Variants in LAX1 observed in about 807,000 individuals in gnomAD.
LAX1 encodes the protein lymphocyte transmembrane adaptor 1, also known as lymphocyte transmembrane adapter 1.
LAX1 carries 17 observed loss-of-function variants against 20.7 expected under a neutral mutation model. The ratio of observed to expected loss-of-function variants is 0.82; its 90% CI spans 0.56 to 1.23. The LOEUF (loss-of-function observed/expected upper bound fraction) is 1.23, where lower values mean the gene tolerates loss of function less well. LAX1 is among the 50% of genes most tolerant of loss of function. The pLI is 0.00. For synonymous variants in LAX1, 165 were observed against 181.0 expected, an observed-to-expected ratio of 0.91 and a Z score of 0.71; for missense variants, 470 against 487.0, an observed-to-expected ratio of 0.97 and a Z score of 0.33.
Position 203,774,736 on chromosome 1 carries a change from A to C in LAX1, c.*55A>C, listed in dbSNP as rs918000429. 4.1e-6 allele frequency: 6 copies of C among 1,454,314 alleles called. No individual in the cohort carries two copies. The Admixed American group carries it at 5.5e-5, about 13-fold the overall frequency. 90.1% of individuals were successfully genotyped at this position (1,454,314 alleles called of 1,614,324 possible). A position where few individuals can be genotyped will look rare whatever the true frequency, so the allele number is the denominator to read the frequency against. ...TTGAGTAGTCTATCCCATAGGATTG[A>C]CTACTGCAGAGTCTAGTGCAGACCC... On this transcript the variant is annotated 3_prime_UTR_variant, in exon 5 of 5. Transcript: ENST00000442561.
chr1:203,768,537 T>A (rs978990005), intron 1 of LAX1, among the ~76,000 whole-genome samples: 1 of 152,062 alleles, frequency 6.6e-6, no homozygotes, highest in Non-Finnish European at 1.5e-5. Flanking sequence ...GTGCTCTGCA[T>A]GGGCAAGGGA....
rs113256373 is a variant in LAX1 at position 203,765,759 on chromosome 1, C to A, written c.89+105C>A. On this transcript the variant is annotated intron_variant, in intron 1 of 4. Coordinates refer to ENST00000442561, the MANE Select transcript of LAX1 (RefSeq NM_017773.4). ...ACAGCAGTGCTGCCACCTCTCAACA[C>A]CCAGGCTCGGTCTACTAAACCACCA... 5.7e-6 allele frequency: 6 copies of A among 1,061,180 alleles called. No homozygotes were observed. In the African/African-American group the frequency reaches 6.3e-5, roughly 11 times the overall value. The allele number at this position is 1,061,180 out of a possible 1,614,324, so 65.7% of individuals were successfully genotyped here. A position where few individuals can be genotyped will look rare whatever the true frequency, so the allele number is the denominator to read the frequency against.
chr1:203,769,397 A>AAAGAAGG (rs1553254194), intron 1 of LAX1, among the ~76,000 whole-genome samples: 1 of 76,688 alleles, frequency 1.3e-5, no homozygotes, highest in African/African-American at 5.4e-5. Context: ...GTCTCAAAAA[A>AAAGAAGG]AAAGAAAGAA....
In LAX1 at chr1:203,772,135, C is replaced by A; in HGVS notation, c.378C>A (p.Ser126Arg). The stretch of plus-strand genomic sequence containing the variant: ...GCCTCCTCTCCAGAAATTCTGAGAG[C>A]CCGGAGCATGTGGTAAGAGTCAAGC... ...TESLLSRNSESPEHVPSQAGN... is the reference protein window; with the variant it reads ...TESLLSRNSERPEHVPSQAGN... Residue 126 changes from serine to arginine, a missense_variant, in exon 4 of 5, where the codon AGC becomes AGA. By Grantham distance (110) the Ser-to-Arg change is moderately radical. Coordinates refer to ENST00000442561, the MANE Select transcript of LAX1 (RefSeq NM_017773.4). 6 of 1,612,646 alleles carry A rather than the reference C, an allele frequency of 3.7e-6. No homozygotes were observed. Among genetic ancestry groups the A allele is most frequent in the Non-Finnish European group, 5.1e-6 (6 of 1,178,720 alleles).
rs1667468130 is a variant in LAX1 at position 203,774,048 on chromosome 1, G to A, written c.564G>A (p.Glu188=). The A allele has an allele frequency of 6.2e-7, 1 of 1,613,960 alleles. No homozygotes were observed. Among genetic ancestry groups the A allele is most frequent in the African/African-American group, 1.3e-5 (1 of 74,876 alleles). ...ASRDCASISS[E]DSHDYVNVPT... ...GAGACTGCGCAAGCATTTCTTCAGA[G>A]GATTCGCATGATTATGTCAATGTCC... Residue 188 remains glutamate, a synonymous_variant, in exon 5 of 5, where the codon GAG becomes GAA. Coordinates refer to ENST00000442561, the MANE Select transcript of LAX1 (RefSeq NM_017773.4).
rs75396540 is a variant in LAX1, at chr1:203,774,392, G to C, written c.908G>C (p.Ser303Thr). 1.9e-3 allele frequency: 3,081 copies of C among 1,614,232 alleles called. 71 individuals are homozygous for C. In the East Asian group the frequency reaches 0.047, roughly 25 times the overall value. Reference sequence around the variant, plus strand: ...GAAAATGTTCCAGCAGCAGATCCCAGTGGAAGCCAGCAGCAGGCTGAGAAA... The same window carrying C: ...GAAAATGTTCCAGCAGCAGATCCCACTGGAAGCCAGCAGCAGGCTGAGAAA... The part of the protein sequence containing the change: ...DYENVPAADP[S>T]GSQQQAEKDV... Residue 303 changes from serine (S) to threonine (T), a missense_variant, in exon 5 of 5, where the codon AGT (serine) becomes ACT (threonine). Coordinates refer to ENST00000442561, the MANE Select transcript of LAX1 (RefSeq NM_017773.4).
intron 1 of LAX1, among the ~76,000 whole-genome samples, chr1:203,765,899 T>C (rs1482688168): frequency 6.6e-6 from 1 of 152,068 alleles, no homozygotes; most frequent in East Asian, 1.9e-4. Context: ...CCCTTAAAGC[T>C]AGTTGCTTAG....
chr1:203,770,437 G>C (rs12075412), intron 1 of LAX1, among the ~76,000 whole-genome samples: 4 of 35,876 alleles, frequency 1.1e-4, no homozygotes, highest in Admixed American at 5.2e-4. Context: ...GAAAGAAAGA[G>C]AGAGAGAGAG....
intron 1 of LAX1, among the ~76,000 whole-genome samples, chr1:203,769,195 C>T (rs949162893): frequency 2.0e-5 from 3 of 151,590 alleles, no homozygotes; most frequent in Non-Finnish European, 2.9e-5. Context: ...TCAAGACCAG[C>T]CTGGCCAACA....
At chr1:203,768,532 C>G (rs1226146328) in intron 1 of LAX1, among the ~76,000 whole-genome samples, 3 of 152,132 alleles carry the variant, frequency 2.0e-5, no homozygotes, top group Non-Finnish European at 4.4e-5. Context: ...GAACTGTGCT[C>G]TGCATGGGCA....
chr1:203,767,060 A>G (rs1180412712), intron 1 of LAX1, among the ~76,000 whole-genome samples: 1 of 151,560 alleles, frequency 6.6e-6, no homozygotes, highest in African/African-American at 2.4e-5. Context: ...GGGTTTCTTC[A>G]TGTTGGTCAG....
intron 1 of LAX1, among the ~76,000 whole-genome samples, chr1:203,768,398 A>G (rs1375149073): frequency 6.6e-6 from 1 of 152,240 alleles, no homozygotes; most frequent in Non-Finnish European, 1.5e-5. Flanking sequence ...GGGTGTGGCC[A>G]TGGAAGACGT....
chr1:203,771,366 G>A lies in LAX1; in HGVS notation c.200-1G>A, dbSNP rs1406472126. The stretch of plus-strand genomic sequence containing the variant: ...CTCCCATCTCTCTCATTGCCTTGCA[G>A]GACAAGTTCCTTACCTCCGAGTTAC... On this transcript the variant is annotated splice_acceptor_variant, in intron 2 of 4. Coordinates refer to ENST00000442561, the MANE Select transcript of LAX1 (RefSeq NM_017773.4). LOFTEE classifies it high-confidence loss of function. The A allele has an allele frequency of 1.2e-6, 2 of 1,603,980 alleles. No individual in the cohort carries two copies. Among genetic ancestry groups the A allele is most frequent in the Non-Finnish European group, 1.7e-6 (2 of 1,170,714 alleles).
At position 203,773,990 on chromosome 1, in the gene LAX1, C is replaced by T. The variant is rs766255379; in HGVS notation, c.506C>T (p.Pro169Leu). The T allele has an allele frequency of 1.1e-5, 17 of 1,613,918 alleles. No individual in the cohort carries two copies. Among genetic ancestry groups the T allele is most frequent in the South Asian group, 2.2e-5 (2 of 91,064 alleles). The change falls in exon 5 of 5, where the codon CCC (proline) becomes CTC (leucine). Residue 169 changes from proline (P) to leucine (L), a missense_variant. By Grantham distance (98) the Pro-to-Leu change is moderately conservative. Transcript: ENST00000442561. ...CCCCAGATGTGTGGGAACCTCACTC[C>T]CTCGGCACACTGCATCAATGTCAGA... ...MVPQMCGNLT[P>L]SAHCINVRAS...
intron 1 of LAX1, among the ~76,000 whole-genome samples, chr1:203,769,962 G>A (rs1231935301): frequency 6.6e-6 from 1 of 152,162 alleles, no homozygotes; most frequent in Admixed American, 6.5e-5. Context: ...GGACAGTGTG[G>A]CAGAGTGGAA....
At chr1:203,765,775 T>C in intron 1 of LAX1, 121 bp downstream of exon 1, 1 of 893,662 alleles carries the variant, frequency 1.1e-6, no homozygotes, top group Non-Finnish European at 1.8e-6. Flanking sequence ...CTCGGTCTAC[T>C]AAACCACCAA....
Position 203,774,736 on chromosome 1 carries a change from A to T in LAX1, c.*55A>T. 1 of 1,454,314 alleles carries T rather than the reference A, an allele frequency of 6.9e-7. No homozygotes were observed. The highest frequency in any genetic ancestry group is 9.5e-7 in the Non-Finnish European group (1 of 1,054,362). The allele number at this position is 1,454,314 out of a possible 1,614,324, so 90.1% of individuals were successfully genotyped here. ...TTGAGTAGTCTATCCCATAGGATTG[A>T]CTACTGCAGAGTCTAGTGCAGACCC... is the stretch of plus-strand genomic sequence containing the variant. On this transcript the variant is annotated 3_prime_UTR_variant, in exon 5 of 5. Transcript: ENST00000442561.
At chr1:203,767,324 T>TTTTTTTTTTTTTTTTA (rs1667321985) in intron 1 of LAX1, among the ~76,000 whole-genome samples, 2 of 144,284 alleles carry the variant, frequency 1.4e-5, no homozygotes, top group African/African-American at 5.4e-5. Flanking sequence ...TTTTTTTTTT[T>TTTTTTTTTTTTTTTTA]GAGACAAAGT....
rs187517341 is a variant in LAX1 at position 203,767,065 on chromosome 1, G to C, written c.89+1411G>C. Among the ~76,000 whole-genome samples, 268 of 151,796 alleles carry C rather than the reference G, an allele frequency of 1.8e-3. 3 individuals are homozygous for C. In the East Asian group the frequency reaches 0.04, roughly 23 times the overall value. On this transcript the variant is annotated intron_variant, in intron 1 of 4. Transcript: ENST00000442561. Reference sequence around the variant, plus strand: ...AGTAGAGATGGGGTTTCTTCATGTTGGTCAGGCTGGTCTCGAACTCCCTAC... The same window carrying C: ...AGTAGAGATGGGGTTTCTTCATGTTCGTCAGGCTGGTCTCGAACTCCCTAC...
Sources: allele counts gnomAD v4.1 joint callset (sites outside exome capture counted in the v4.1 genomes callset), GRCh38; gene constraint gnomAD v4.1.1; transcripts MANE v1.5; gene names NCBI Gene and HGNC (gene_info 2026-07-23, HGNC 2026-07-21).